Variants in SOX5 observed in about 807,000 individuals in gnomAD.
SOX5 encodes transcription factor SOX-5.
A neutral mutation model predicts 92.0 loss-of-function variants in SOX5; 9 were observed. The ratio of observed to expected loss-of-function variants is 0.10; its 90% CI spans 0.06 to 0.17. SOX5 has a LOEUF of 0.17. Among genes scored for constraint, SOX5 ranks in the 10% least tolerant of loss-of-function variants. SOX5 has a pLI of 1.00. For missense variants in SOX5, 642 were observed against 944.5 expected (o/e 0.68, Z 4.20); for synonymous variants, 344 against 336.3 (o/e 1.02, Z -0.25).
intron 4 of SOX5, among the ~76,000 whole-genome samples, chr12:24,117,411 A>C (rs900082639): frequency 1.3e-5 from 2 of 152,012 alleles, no homozygotes. Context: ...AGGTTCCTCA[A>C]AAAAACTAAA....
chr12:23,777,461 C>T (rs556621501), intron 3 of SOX5, among the ~76,000 whole-genome samples: 3 of 152,216 alleles, frequency 2.0e-5, no homozygotes, highest in Non-Finnish European at 4.4e-5. Flanking sequence ...TCTGAGCTCA[C>T]ATTTTTCCAA....
intron 4 of SOX5, among the ~76,000 whole-genome samples, chr12:24,052,047 G>A (rs1276064453): frequency 6.6e-6 from 1 of 152,062 alleles, no homozygotes; most frequent in Non-Finnish European, 1.5e-5. Flanking sequence ...CTTCTCTCTA[G>A]GCTATCTTCA....
chr12:24,335,399 T>C (rs535462046), intron 2 of SOX5, among the ~76,000 whole-genome samples: 7 of 152,222 alleles, frequency 4.6e-5, no homozygotes, highest in Non-Finnish European at 1.0e-4. Context: ...ATAGCCTTTA[T>C]TGAGCATTTA....
At chr12:23,875,962 A>G (rs1006117262) in intron 2 of SOX5, among the ~76,000 whole-genome samples, 2 of 152,232 alleles carry the variant, frequency 1.3e-5, no homozygotes, top group African/African-American at 2.4e-5. Context: ...GATACTAAGT[A>G]AATGAATTAG....
In SOX5 at chr12:23,610,358, GGA is replaced by G. The variant is rs2075798305; in HGVS notation, c.1018-5827_1018-5826del. ...CTAGTCCACTGTCTAACCGCCATCT[GGA>G]GTATTTGGATTCAGTGCATTAGGCA... On this transcript the variant is annotated intron_variant, in intron 8 of 14. Transcript: ENST00000451604. Among the ~76,000 whole-genome samples, 4 of 152,196 alleles carry G rather than the reference GGA, an allele frequency of 2.6e-5. 1 individual carries two copies. In the South Asian group the frequency reaches 8.3e-4, roughly 32 times the overall value.
chr12:23,770,343 A>T (rs1383775687), intron 3 of SOX5, among the ~76,000 whole-genome samples: 1 of 151,990 alleles, frequency 6.6e-6, no homozygotes, highest in East Asian at 1.9e-4. Context: ...ACCCTGAATT[A>T]TCAAGGCCAT....
At chr12:23,742,985 A>G (rs894083439) in intron 4 of SOX5, among the ~76,000 whole-genome samples, 1 of 152,188 alleles carries the variant, frequency 6.6e-6, no homozygotes, top group Non-Finnish European at 1.5e-5. Flanking sequence ...AAATATCATA[A>G]GAAATGTGGG....
At chr12:24,037,970 C>G (rs1956203205) in intron 4 of SOX5, among the ~76,000 whole-genome samples, 1 of 152,128 alleles carries the variant, frequency 6.6e-6, no homozygotes, top group Admixed American at 6.5e-5. Context: ...ATGCATGAAT[C>G]ATGCATGTAA....
At chr12:23,597,992 T>C (rs1044750066) in intron 9 of SOX5, among the ~76,000 whole-genome samples, 2 of 152,174 alleles carry the variant, frequency 1.3e-5, no homozygotes, top group African/African-American at 2.4e-5. Context: ...AGTTTCAGGA[T>C]GGATCAGTGA....
chr12:24,456,459 A>C (rs1396994294), intron 1 of SOX5, among the ~76,000 whole-genome samples: 1 of 152,250 alleles, frequency 6.6e-6, no homozygotes, highest in Non-Finnish European at 1.5e-5. Context: ...GTCAGAATGC[A>C]TGAGAGAGAT....
chr12:24,113,487 T>G (rs2138187193), intron 4 of SOX5, among the ~76,000 whole-genome samples: 1 of 152,120 alleles, frequency 6.6e-6, no homozygotes, highest in East Asian at 1.9e-4. Context: ...AGAAAGGCCT[T>G]TGGCTCAAAT....
intron 11 of SOX5, among the ~76,000 whole-genome samples, chr12:23,562,511 A>G (rs1339707362): frequency 1.3e-5 from 2 of 152,170 alleles, no homozygotes; most frequent in Non-Finnish European, 2.9e-5. Flanking sequence ...TACTGGATCA[A>G]TTTATCTAGA....
chr12:24,427,690 A>T (rs1966855564), intron 1 of SOX5, among the ~76,000 whole-genome samples: 1 of 152,252 alleles, frequency 6.6e-6, no homozygotes, highest in Non-Finnish European at 1.5e-5. Flanking sequence ...TTTCAACTAC[A>T]GAATCATCTC....
intron 3 of SOX5, among the ~76,000 whole-genome samples, chr12:24,245,813 A>G (rs1938586003): frequency 6.6e-6 from 1 of 152,248 alleles, no homozygotes; most frequent in African/African-American, 2.4e-5. Context: ...TAAGGAAAAG[A>G]GCTGTGTGAA....
intron 4 of SOX5, among the ~76,000 whole-genome samples, chr12:23,987,959 G>C (rs1180219713): frequency 6.6e-6 from 1 of 152,190 alleles, no homozygotes; most frequent in East Asian, 1.9e-4. Context: ...AATGGAAGTA[G>C]AGAAACTTAA....
At chr12:23,719,807 A>AAAAC (rs1555289242) in intron 6 of SOX5, among the ~76,000 whole-genome samples, 12,591 of 138,658 alleles carry the variant, frequency 0.091, 419 homozygotes, top group East Asian at 0.12. Flanking sequence ...AAAAAAAAAA[A>AAAAC]AAAACTGATG....
At chr12:24,061,657 G>C (rs1342349078) in intron 4 of SOX5, among the ~76,000 whole-genome samples, 1 of 150,180 alleles carries the variant, frequency 6.7e-6, no homozygotes, top group African/African-American at 2.5e-5. Flanking sequence ...TTACCCAAAA[G>C]TCTAAAGTCA....
chr12:23,980,462 T>C (rs1277624877), intron 4 of SOX5, among the ~76,000 whole-genome samples: 2 of 152,120 alleles, frequency 1.3e-5, no homozygotes, highest in Non-Finnish European at 2.9e-5. Flanking sequence ...CACAATGTAG[T>C]AAGATGTATG....
intron 4 of SOX5, among the ~76,000 whole-genome samples, chr12:24,130,297 T>C (rs2138480124): frequency 6.6e-6 from 1 of 152,326 alleles, no homozygotes; most frequent in Non-Finnish European, 1.5e-5. Flanking sequence ...GGGTGAATAA[T>C]GTGGGTGGTC....
Sources: gnomAD v4.1 joint callset for allele counts (sites outside exome capture counted in the v4.1 genomes callset) on GRCh38, gnomAD v4.1.1 for gene constraint, MANE v1.5 for transcripts, NCBI Gene and HGNC (gene_info 2026-07-23, HGNC 2026-07-21) for gene names.